Variants in CLEC4A observed in about 807,000 individuals in gnomAD.
The protein encoded by CLEC4A is C-type (calcium dependent, carbohydrate-recognition domain) lectin, superfamily member 6.
CLEC4A carries 27 observed loss-of-function variants against 32.7 expected under a neutral mutation model. That is an observed-to-expected ratio of 0.83 (90% CI 0.61 to 1.14). CLEC4A has a LOEUF of 1.14. Among genes scored for constraint, CLEC4A ranks in the 50% most tolerant of loss-of-function variants. The probability of loss-of-function intolerance (pLI) is 0.00; values close to 1 mark genes in which losing one functional copy is unlikely to be tolerated. For synonymous variants in CLEC4A, 89 were observed against 93.7 expected, an observed-to-expected ratio of 0.95 and a Z score of 0.29; for missense variants, 253 against 274.6, an observed-to-expected ratio of 0.92 and a Z score of 0.55.
chr12:8,110,413 C>T, the CLEC4A span, among the ~76,000 whole-genome samples: 1 of 152,086 alleles, frequency 6.6e-6, no homozygotes, highest in South Asian at 2.1e-4. Flanking sequence ...AAAAGGAAAC[C>T]TCCATATTTG....
At chr12:8,130,996 T>C (rs1036644567) in intron 3 of CLEC4A, among the ~76,000 whole-genome samples, 3 of 152,198 alleles carry the variant, frequency 2.0e-5, no homozygotes, top group African/African-American at 7.2e-5. Context: ...ATTTTCCTCA[T>C]ATTTGATGAC....
chr12:8,136,986 TA>T, intron 5 of CLEC4A, 83 bp downstream of exon 5: 1 of 836,450 alleles, frequency 1.2e-6, no homozygotes, highest in Non-Finnish European at 1.9e-6. Flanking sequence ...GCTATAAAAG[TA>T]AAATAGCTCA....
chr12:8,129,746 G>T (rs962310076), intron 3 of CLEC4A, among the ~76,000 whole-genome samples: 1 of 152,192 alleles, frequency 6.6e-6, no homozygotes, highest in Non-Finnish European at 1.5e-5. Flanking sequence ...AGCCGAGGTT[G>T]TGCCACTGCA....
chr12:8,132,406 G>A (rs1948013751), intron 3 of CLEC4A, among the ~76,000 whole-genome samples: 1 of 152,046 alleles, frequency 6.6e-6, no homozygotes. Flanking sequence ...TTTGACTCGT[G>A]GATTATTTAA....
the CLEC4A span, among the ~76,000 whole-genome samples, chr12:8,102,983 G>T: frequency 6.6e-6 from 1 of 152,020 alleles, no homozygotes; most frequent in Non-Finnish European, 1.5e-5. Context: ...ATTGACAGAG[G>T]TATATCTTAG....
chr12:8,116,032 C>A, the CLEC4A span, among the ~76,000 whole-genome samples: 3 of 151,170 alleles, frequency 2.0e-5, no homozygotes, highest in Admixed American at 6.6e-5. Context: ...GTGATCTCGG[C>A]TTACCACAAC....
At chr12:8,116,424 C>G in the CLEC4A span, among the ~76,000 whole-genome samples, 1 of 152,058 alleles carries the variant, frequency 6.6e-6, no homozygotes, top group Admixed American at 6.6e-5. Context: ...ACATTAAGGG[C>G]CGAGTACTGT....
At chr12:8,118,128 T>A in the CLEC4A span, among the ~76,000 whole-genome samples, 1 of 152,100 alleles carries the variant, frequency 6.6e-6, no homozygotes, top group African/African-American at 2.4e-5. Context: ...CTTGTGAGGC[T>A]CTGGTTAGCA....
the CLEC4A span, among the ~76,000 whole-genome samples, chr12:8,117,392 C>G: frequency 6.6e-6 from 1 of 152,138 alleles, no homozygotes; most frequent in Non-Finnish European, 1.5e-5. Context: ...GTGCTCATCA[C>G]CACACCTGGC....
At chr12:8,105,789 T>A in the CLEC4A span, among the ~76,000 whole-genome samples, 1 of 152,230 alleles carries the variant, frequency 6.6e-6, no homozygotes, top group Non-Finnish European at 1.5e-5. Flanking sequence ...GGATATCAGA[T>A]CTTCGTCAGA....
the CLEC4A span, among the ~76,000 whole-genome samples, chr12:8,103,376 G>GTTTTTTTTTTTTTTTTTTT: frequency 1.8e-5 from 1 of 56,504 alleles, no homozygotes; most frequent in African/African-American, 8.3e-5. Flanking sequence ...TCTTTCTGTT[G>GTTTTTTTTTTTTTTTTTTT]TTTTTTTTTT....
chr12:8,137,837 G>T (rs779862813), intron 5 of CLEC4A, among the ~76,000 whole-genome samples: 1 of 152,244 alleles, frequency 6.6e-6, no homozygotes, highest in African/African-American at 2.4e-5. Flanking sequence ...ACACCCTATA[G>T]GTTGATGGAC....
chr12:8,128,249 A>C (rs1947934267), intron 2 of CLEC4A, among the ~76,000 whole-genome samples: 1 of 152,128 alleles, frequency 6.6e-6, no homozygotes, highest in Non-Finnish European at 1.5e-5. Context: ...AACTGGGGTC[A>C]AGCCTTTAAG....
In CLEC4A at chr12:8,126,957, G is replaced by T. The variant is rs148982346; in HGVS notation, c.199+1280G>T. ...GATCATGAAGACTGCTGTATATCAT[G>T]ATAAAGAGTTTGGATTTTTTCCCTC... On this transcript the variant is annotated intron_variant, in intron 2 of 5. Coordinates refer to ENST00000229332, the MANE Select transcript of CLEC4A (RefSeq NM_016184.4). 1.9e-3 allele frequency among the ~76,000 whole-genome samples: 293 copies of T among 152,298 alleles called. 1 individual carries two copies. Among genetic ancestry groups the T allele is most frequent in the African/African-American group, 6.1e-3 (252 of 41,558 alleles).
intron 2 of CLEC4A, among the ~76,000 whole-genome samples, chr12:8,127,407 G>A (rs1008297736): frequency 3.9e-5 from 6 of 152,172 alleles, no homozygotes; most frequent in Non-Finnish European, 7.3e-5. Context: ...AGATCCAGGC[G>A]GTGGAGAAAT....
chr12:8,132,271 A>C (rs1685101527), intron 3 of CLEC4A, among the ~76,000 whole-genome samples: 1 of 152,192 alleles, frequency 6.6e-6, no homozygotes, highest in African/African-American at 2.4e-5. Flanking sequence ...TCCTGGAATC[A>C]GATATTTCTT....
chr12:8,127,455 A>G (rs1947921375), intron 2 of CLEC4A, among the ~76,000 whole-genome samples: 1 of 152,216 alleles, frequency 6.6e-6, no homozygotes, highest in African/African-American at 2.4e-5. Context: ...GCAAAATCAC[A>G]TTGCAAAGCA....
Position 8,125,207 on chromosome 12 carries a change from TAATAGGTCAG to T in CLEC4A, c.83-351_83-342del, listed in dbSNP as rs1446349483. ...GTTCATGATATAGTGTAAAGGAAAATAATAGGTCAGAAATCAGTATTTATGGTATGTCAAT... is the reference window on the plus strand; with the variant it reads ...GTTCATGATATAGTGTAAAGGAAAATAAATCAGTATTTATGGTATGTCAAT... On this transcript the variant is annotated intron_variant, in intron 1 of 5. Coordinates refer to ENST00000229332, the MANE Select transcript of CLEC4A (RefSeq NM_016184.4). Among the ~76,000 whole-genome samples, 7 of 30,688 alleles carry T rather than the reference TAATAGGTCAG, an allele frequency of 2.3e-4. No individual in the cohort carries two copies. The South Asian group carries it at 6.3e-3, about 28-fold the overall frequency. The allele number at this position is 30,688 out of a possible 152,430, so 20.1% of individuals were successfully genotyped here.
At chr12:8,111,008 G>C in the CLEC4A span, among the ~76,000 whole-genome samples, 5,018 of 151,840 alleles carry the variant, frequency 0.033, 281 homozygotes, top group African/African-American at 0.11. Flanking sequence ...CGAGTAGCTG[G>C]GACTACAGGT....
Sources: gnomAD v4.1 joint callset for allele counts (sites outside exome capture counted in the v4.1 genomes callset) on GRCh38, gnomAD v4.1.1 for gene constraint, MANE v1.5 for transcripts, NCBI Gene and HGNC (gene_info 2026-07-23, HGNC 2026-07-21) for gene names.